Variants in BRF2 observed in about 807,000 individuals in gnomAD.
The protein encoded by BRF2 is BRF2 general transcription factor IIIB subunit.
In BRF2, 17 loss-of-function variants were observed where a neutral mutation model predicts 26.6. The ratio of observed to expected loss-of-function variants is 0.64; its 90% CI spans 0.44 to 0.96. The LOEUF (loss-of-function observed/expected upper bound fraction) is 0.96. BRF2 is among the 40% of genes least tolerant of loss of function. BRF2 has a pLI of 0.00. For missense variants in BRF2, 515 were observed against 537.0 expected (o/e 0.96, Z 0.40); for synonymous variants, 219 against 226.6 (o/e 0.97, Z 0.30).
intron 1 of BRF2, 93 bp downstream of exon 1, chr8:37,849,537 G>C: frequency 9.7e-7 from 1 of 1,032,462 alleles, no homozygotes; most frequent in Non-Finnish European, 1.5e-6. Context: ...AAGTGTGTGC[G>C]TTACAGTTAG....
Position 37,849,849 on chromosome 8 carries a change from G to A in BRF2, c.-66C>T, listed in dbSNP as rs888868301. ...CCTGGGTCTGCAACAGCAACCGTGA[G>A]GCAGCAAGAAGTAGGAGGGGACACT... On this transcript the variant is annotated 5_prime_UTR_variant, in exon 1 of 4. Coordinates refer to ENST00000220659, the MANE Select transcript of BRF2 (RefSeq NM_018310.4). 10 of 1,486,056 alleles carry A rather than the reference G, an allele frequency of 6.7e-6. No homozygotes were observed. The highest frequency in any genetic ancestry group is 5.6e-5 in the African/African-American group (4 of 71,638). The allele number at this position is 1,486,056 out of a possible 1,614,324, so 92.1% of individuals were successfully genotyped here. A position where few individuals can be genotyped will look rare whatever the true frequency, so the allele number is the denominator to read the frequency against.
Position 37,845,022 on chromosome 8 carries a change from A to G in BRF2, c.728T>C (p.Leu243Pro). 6.2e-7 allele frequency: 1 copy of G among 1,613,974 alleles called. No homozygotes were observed. Among genetic ancestry groups the G allele is most frequent in the Non-Finnish European group, 8.5e-7 (1 of 1,180,010 alleles). Reference protein sequence around the residue: ...AWQSLQPADRLSCSLARFCKL... With the variant: ...AWQSLQPADRPSCSLARFCKL... ...ACAAAATCGGGCAAGGGAACATGAA[A>G]GCCGATCTGCAGGCTGCAGCGACTG... The change falls in exon 4 of 4, where the codon CTT (leucine) becomes CCT (proline). Residue 243 changes from leucine to proline, a missense_variant. Physicochemically the swap from Leu to Pro is moderately conservative, Grantham distance 98. Transcript: ENST00000220659.
rs764222395 is a variant in BRF2, at chr8:37,844,462, A to C, written c.*28T>G. 1.4e-5 allele frequency: 23 copies of C among 1,604,494 alleles called. No homozygotes were observed. Among genetic ancestry groups the C allele is most frequent in the Non-Finnish European group, 1.9e-5 (22 of 1,174,728 alleles). ...AGGAATGTTATCAAGCTGTCAGAAC[A>C]GGATGAAGTGCTCCCAGTGGATATC... On this transcript the variant is annotated 3_prime_UTR_variant, in exon 4 of 4. Transcript: ENST00000220659.
chr8:37,849,764 C>T lies in BRF2; in HGVS notation c.20G>A (p.Cys7Tyr), dbSNP rs1172886660. Residue 7 changes from cysteine (C) to tyrosine (Y), a missense_variant, in exon 1 of 4, where the codon TGC becomes TAC. By Grantham distance (194) the Cys-to-Tyr change is radical (BLOSUM62 -2). Transcript: ENST00000220659. MPGRGR[C>Y]PDCGSTELVE... is the part of the protein sequence containing the mutation. ...CAGCTCCGTGGAGCCGCAGTCCGGG[C>T]AGCGGCCTCTGCCTGGCATCTCACA... is the stretch of plus-strand genomic sequence containing the variant. The T allele has an allele frequency of 1.9e-6, 3 of 1,611,410 alleles. No homozygotes were observed. The highest frequency in any genetic ancestry group is 1.7e-6 in the Non-Finnish European group (2 of 1,179,484).
Position 37,845,216 on chromosome 8 carries a change from G to C in BRF2, c.537-3C>G. ...GTGAAGCTTGGAACAGTTTGAAGCT[G>C]AAATAACCAAAATGAGGGTTGGATC... On this transcript the variant is annotated splice_region_variant and splice_polypyrimidine_tract_variant and intron_variant, in intron 3 of 3. Coordinates refer to ENST00000220659, the MANE Select transcript of BRF2 (RefSeq NM_018310.4). 1 of 1,604,164 alleles carries C rather than the reference G, an allele frequency of 6.2e-7. No homozygotes were observed. Among genetic ancestry groups the C allele is most frequent in the Non-Finnish European group, 8.5e-7 (1 of 1,172,332 alleles).
At chr8:37,848,999 G>T (rs1216736272) in intron 1 of BRF2, among the ~76,000 whole-genome samples, 1 of 152,142 alleles carries the variant, frequency 6.6e-6, no homozygotes, top group Non-Finnish European at 1.5e-5. Context: ...CACAGCTCAC[G>T]GCAGCCTTCA....
At chr8:37,848,385 T>G (rs993101943) in intron 2 of BRF2, among the ~76,000 whole-genome samples, 3 of 152,164 alleles carry the variant, frequency 2.0e-5, no homozygotes, top group Non-Finnish European at 4.4e-5. Context: ...TAGCTGGGAC[T>G]ACAGGTACAT....
chr8:37,845,374 G>A (rs915261736), intron 3 of BRF2, among the ~76,000 whole-genome samples, 161 bp from the exon 4 acceptor site: 8 of 151,826 alleles, frequency 5.3e-5, no homozygotes, highest in Non-Finnish European at 1.0e-4. Flanking sequence ...AAAACAGGGC[G>A]TCTTCCGCTT....
rs1036591562 is a variant in BRF2 at position 37,844,331 on chromosome 8, T to A, written c.*159A>T. ...ATAGTCATCCCTGCACTCCTGACTT[T>A]ACTCCAGGACCCAGGGTCCAACTAA... On this transcript the variant is annotated 3_prime_UTR_variant, in exon 4 of 4. Coordinates refer to ENST00000220659, the MANE Select transcript of BRF2 (RefSeq NM_018310.4). The A allele has an allele frequency of 4.5e-6, 4 of 879,264 alleles. No individual in the cohort carries two copies. The highest frequency in any genetic ancestry group is 7.0e-6 in the Non-Finnish European group (4 of 571,496). 54.5% of individuals were successfully genotyped at this position (879,264 alleles called of 1,614,324 possible).
chr8:37,844,310 T>C lies in BRF2; in HGVS notation c.*180A>G. On this transcript the variant is annotated 3_prime_UTR_variant, in exon 4 of 4. Coordinates refer to ENST00000220659, the MANE Select transcript of BRF2 (RefSeq NM_018310.4). ...GGATGGGAATCTCTCCTACCTATAG[T>C]CATCCCTGCACTCCTGACTTTACTC... 1 of 694,034 alleles carries C rather than the reference T, an allele frequency of 1.4e-6. No homozygotes were observed. Among genetic ancestry groups the C allele is most frequent in the Non-Finnish European group, 2.4e-6 (1 of 411,012 alleles). 43.0% of individuals were successfully genotyped at this position (694,034 alleles called of 1,614,324 possible).
At chr8:37,846,765 GA>G (rs879152700) in intron 3 of BRF2, 88 bp downstream of exon 3, 14,688 of 700,628 alleles carry the variant, frequency 0.021, no homozygotes, top group East Asian at 0.023. Flanking sequence ...AAGACTCCAA[GA>G]AAAAAAAAAA....
rs750839176 is a variant in BRF2, at chr8:37,847,089, A to G, written c.301T>C (p.Tyr101His). 3 of 1,614,238 alleles carry G rather than the reference A, an allele frequency of 1.9e-6. No individual in the cohort carries two copies. The Admixed American group carries it at 5.0e-5, about 27-fold the overall frequency. Reference protein sequence around the residue: ...DTAVAYYQQAYRHSGIRAARL... With the variant: ...DTAVAYYQQAHRHSGIRAARL... ...GCCGCTCGGATGCCAGAGTGCCGAT[A>G]TGCCTGTTGGTAGTAGGCAACCGCG... The change falls in exon 3 of 4, where the codon TAT (tyrosine) becomes CAT (histidine). Residue 101 changes from tyrosine (Y) to histidine (H), a missense_variant. Tyr to His is a moderately conservative substitution (Grantham distance 83, BLOSUM62 2). Coordinates refer to ENST00000220659, the MANE Select transcript of BRF2 (RefSeq NM_018310.4).
chr8:37,849,670 C>T lies in BRF2; in HGVS notation c.114G>A (p.Gly38=), dbSNP rs755722057. Residue 38 remains glycine (G), a synonymous_variant, in exon 1 of 4, where the codon GGG becomes GGA. Transcript: ENST00000220659. ...CSDCGCVVTE[G]VLTTTFSDEG... ...CGTCGCTGAAGGTAGTGGTAAGGAC[C>T]CCCTCGGTGACCACGCAGCCGCAGT... The T allele has an allele frequency of 6.2e-6, 10 of 1,613,534 alleles. No homozygotes were observed. Among genetic ancestry groups the T allele is most frequent in the South Asian group, 5.5e-5 (5 of 91,078 alleles).
chr8:37,844,258 A>C lies in BRF2; in HGVS notation c.*232T>G. On this transcript the variant is annotated 3_prime_UTR_variant, in exon 4 of 4. Transcript: ENST00000220659. ...GAAAGCCATCTCACAGAACATGGAC[A>C]TAGGCAACTTGCTCTCCCACACCAA... 1 of 560,932 alleles carries C rather than the reference A, an allele frequency of 1.8e-6. No homozygotes were observed. The highest frequency in any genetic ancestry group is 3.2e-6 in the Non-Finnish European group (1 of 312,272). The allele number at this position is 560,932 out of a possible 1,614,324, so 34.7% of individuals were successfully genotyped here. A position where few individuals can be genotyped will look rare whatever the true frequency, so the allele number is the denominator to read the frequency against.
At position 37,845,218 on chromosome 8, in the gene BRF2, A is replaced by T. The variant is rs945551523; in HGVS notation, c.537-5T>A. On this transcript the variant is annotated splice_region_variant and splice_polypyrimidine_tract_variant and intron_variant, in intron 3 of 3. Transcript: ENST00000220659. Reference sequence around the variant, plus strand: ...GAAGCTTGGAACAGTTTGAAGCTGAAATAACCAAAATGAGGGTTGGATCTT... The same window carrying T: ...GAAGCTTGGAACAGTTTGAAGCTGATATAACCAAAATGAGGGTTGGATCTT... 16 of 1,603,194 alleles carry T rather than the reference A, an allele frequency of 1.0e-5. No homozygotes were observed. Among genetic ancestry groups the T allele is most frequent in the Non-Finnish European group, 1.4e-5 (16 of 1,171,570 alleles).
At chr8:37,848,491 C>T in intron 2 of BRF2, 105 bp downstream of exon 2, 1 of 1,013,098 alleles carries the variant, frequency 9.9e-7, no homozygotes, top group East Asian at 2.4e-5. Context: ...AGGTGATCCA[C>T]CTGCCTAGGC....
Position 37,845,026 on chromosome 8 carries a change from G to T in BRF2, c.724C>A (p.Arg242=). 2 of 1,613,982 alleles carry T rather than the reference G, an allele frequency of 1.2e-6. No homozygotes were observed. The highest frequency in any genetic ancestry group is 2.2e-5 in the East Asian group (1 of 44,872). ...LAWQSLQPAD[R]LSCSLARFCK... The stretch of plus-strand genomic sequence containing the variant: ...AATCGGGCAAGGGAACATGAAAGCC[G>T]ATCTGCAGGCTGCAGCGACTGCCAA... The change falls in exon 4 of 4, where the codon CGG becomes AGG. Residue 242 remains arginine, a synonymous_variant. Transcript: ENST00000220659.
At position 37,845,182 on chromosome 8, in the gene BRF2, G is replaced by A; in HGVS notation, c.568C>T (p.Pro190Ser). ...TCTTTGTCTTCCACGTATTTGGCTG[G>A]CACAGAAGGTGAAGCTTGGAACAGT... The part of the protein sequence containing the change: ...FKLFQASPSV[P>S]AKYVEDKEKM... The change falls in exon 4 of 4, where the codon CCA (proline) becomes TCA (serine). Residue 190 changes from proline to serine, a missense_variant. Transcript: ENST00000220659. 1 of 1,611,874 alleles carries A rather than the reference G, an allele frequency of 6.2e-7. No individual in the cohort carries two copies. The highest frequency in any genetic ancestry group is 2.2e-5 in the East Asian group (1 of 44,838).
At chr8:37,845,671 T>G (rs1345354266) in intron 3 of BRF2, 1 of 699,014 alleles carries the variant, frequency 1.4e-6, no homozygotes, top group South Asian at 1.5e-5. Context: ...GGCGCAGTGC[T>G]CACGCCTGTA....
Sources: allele counts gnomAD v4.1 joint callset (sites outside exome capture counted in the v4.1 genomes callset), GRCh38; gene constraint gnomAD v4.1.1; transcripts MANE v1.5; gene names NCBI Gene and HGNC (gene_info 2026-07-23, HGNC 2026-07-21).